Variants in ERCC1 observed in about 807,000 individuals in gnomAD.
The protein encoded by ERCC1 is DNA excision repair protein ERCC-1.
ERCC1 carries 36 observed loss-of-function variants against 37.6 expected under a neutral mutation model. The observed-to-expected ratio is 0.96, with a 90% confidence interval of 0.73 to 1.26. The LOEUF (loss-of-function observed/expected upper bound fraction) is 1.26. Among genes scored for constraint, ERCC1 ranks in the 50% most tolerant of loss-of-function variants. ERCC1 has a pLI of 0.00. For missense variants in ERCC1, 349 were observed against 376.5 expected, an observed-to-expected ratio of 0.93 and a Z score of 0.60; for synonymous variants, 156 against 162.1, an observed-to-expected ratio of 0.96 and a Z score of 0.28.
intron 1 of ERCC1, 138 bp downstream of exon 1, chr19:45,423,642 TC>T: frequency 7.9e-7 from 1 of 1,265,824 alleles, no homozygotes; most frequent in South Asian, 1.9e-5. Flanking sequence ...GTCCCCACCA[TC>T]CCCCGCCTTC....
intron 9 of ERCC1, 163 bp from the exon 10 acceptor site, chr19:45,409,888 TA>T (rs1479986731): frequency 1.9e-5 from 5 of 256,452 alleles, no homozygotes; most frequent in African/African-American, 1.2e-4. Context: ...TTATTATTAT[TA>T]TTATTATTTT....
chr19:45,444,288 TTCG>T (rs1975199760), intron 1 of ERCC1, among the ~76,000 whole-genome samples: 1 of 32,698 alleles, frequency 3.1e-5, no homozygotes, highest in African/African-American at 1.2e-4. Flanking sequence ...AGCCAGCCGC[TTCG>T]CCCCCCACCC....
chr19:45,419,214 G>A lies in ERCC1; in HGVS notation c.426-17C>T. On this transcript the variant is annotated splice_polypyrimidine_tract_variant and intron_variant, in intron 4 of 9. Coordinates refer to ENST00000300853, the MANE Select transcript of ERCC1 (RefSeq NM_001983.4). ...TAGCGGAGGCTGGTGGGGGCAGGGAGCGGGAGTTGAGAGGTCTCAGTCTCT... is the reference window on the plus strand; with the variant it reads ...TAGCGGAGGCTGGTGGGGGCAGGGAACGGGAGTTGAGAGGTCTCAGTCTCT... The A allele has an allele frequency of 6.4e-7, 1 of 1,557,776 alleles. No individual in the cohort carries two copies. The highest frequency in any genetic ancestry group is 1.2e-5 in the South Asian group (1 of 85,952).
chr19:45,441,954 T>C (rs1437419213), intron 1 of ERCC1, among the ~76,000 whole-genome samples: 1 of 152,050 alleles, frequency 6.6e-6, no homozygotes, highest in African/African-American at 2.4e-5. Context: ...AGTGCTGGGA[T>C]TACAGGTGTG....
In ERCC1 at chr19:45,416,808, G is replaced by A. The variant is rs1177720070; in HGVS notation, c.602+13C>T. ...GGTGGAGCCTGAATGAGGCAGGGAA[G>A]CCCTCATCTCACCTCCAGGCGAGGA... On this transcript the variant is annotated intron_variant, in intron 6 of 9. Transcript: ENST00000300853. 1.2e-6 allele frequency: 2 copies of A among 1,606,034 alleles called. No individual in the cohort carries two copies. The highest frequency in any genetic ancestry group is 4.5e-5 in the East Asian group (2 of 44,836).
At chr19:45,432,133 G>A (rs567088987) in intron 1 of ERCC1, among the ~76,000 whole-genome samples, 97 of 151,714 alleles carry the variant, frequency 6.4e-4, no homozygotes, top group African/African-American at 2.2e-3. Flanking sequence ...CGCCACACCG[G>A]GCTAATTTTT....
At chr19:45,433,247 C>T (rs1014642322) in intron 1 of ERCC1, among the ~76,000 whole-genome samples, 3 of 151,478 alleles carry the variant, frequency 2.0e-5, no homozygotes, top group African/African-American at 4.9e-5. Flanking sequence ...AAAATTAAGC[C>T]GGGCACAATG....
chr19:45,409,778 C>G lies in ERCC1; in HGVS notation c.844-53G>C. The G allele has an allele frequency of 8.1e-6, 6 of 742,138 alleles. No individual in the cohort carries two copies. The South Asian group carries it at 8.6e-5, about 11-fold the overall frequency. 46.0% of individuals were successfully genotyped at this position (742,138 alleles called of 1,614,324 possible). On this transcript the variant is annotated intron_variant, in intron 9 of 9. Coordinates refer to ENST00000300853, the MANE Select transcript of ERCC1 (RefSeq NM_001983.4). Reference sequence around the variant, plus strand: ...AACCAGTCATTAAAGGAGCTGTTTCCTGGGTAAATCTAGAGTGGGGTTTTG... The same window carrying G: ...AACCAGTCATTAAAGGAGCTGTTTCGTGGGTAAATCTAGAGTGGGGTTTTG...
At chr19:45,419,351 C>T (rs928750995) in intron 4 of ERCC1, 154 bp from the exon 5 acceptor site, 15 of 657,566 alleles carry the variant, frequency 2.3e-5, no homozygotes, top group Admixed American at 8.8e-5. Flanking sequence ...TGCCCCAGGT[C>T]ACTCTTCCAA....
intron 9 of ERCC1, among the ~76,000 whole-genome samples, chr19:45,412,552 G>A (rs1973806592): frequency 6.6e-6 from 1 of 152,106 alleles, no homozygotes; most frequent in African/African-American, 2.4e-5. Context: ...TTTGAGAAAT[G>A]TTAATTCAAA....
chr19:45,430,289 C>A (rs1285063931), intron 1 of ERCC1, among the ~76,000 whole-genome samples: 2 of 152,198 alleles, frequency 1.3e-5, no homozygotes, highest in Non-Finnish European at 2.9e-5. Flanking sequence ...TGATTGCATG[C>A]TCTGTGACCG....
In ERCC1 at chr19:45,409,212, A is replaced by T. The variant is rs772220665; in HGVS notation, c.*463T>A. 8.1e-6 allele frequency: 13 copies of T among 1,612,758 alleles called. No homozygotes were observed. Among genetic ancestry groups the T allele is most frequent in the Middle Eastern group, 1.6e-4 (1 of 6,082 alleles). On this transcript the variant is annotated 3_prime_UTR_variant, in exon 10 of 10. Transcript: ENST00000300853. ...GAGCTGCCGGATGACCTTGAGCCTC[A>T]GGCAGCTCCCACATCCACCAAGAAG...
intron 1 of ERCC1, among the ~76,000 whole-genome samples, chr19:45,449,929 A>G (rs968423445): frequency 7.2e-5 from 11 of 151,974 alleles, no homozygotes; most frequent in African/African-American, 2.7e-4. Flanking sequence ...ATGCCATTGC[A>G]CTCCAGCCTG....
upstream of ERCC1, among the ~76,000 whole-genome samples, chr19:45,424,742 C>A (rs1052107388): frequency 6.6e-6 from 1 of 151,758 alleles, no homozygotes; most frequent in African/African-American, 2.4e-5. Context: ...CCTTAGTTAC[C>A]CATATTGCAA....
intron 6 of ERCC1, 22 bp downstream of exon 6, chr19:45,416,799 G>T (rs554687713): frequency 6.3e-7 from 1 of 1,597,402 alleles, no homozygotes; most frequent in Admixed American, 1.7e-5. Context: ...GCCTGAATGA[G>T]GCAGGGAAGC....
intron 1 of ERCC1, among the ~76,000 whole-genome samples, chr19:45,449,693 G>C (rs1599871277): frequency 6.6e-6 from 1 of 151,360 alleles, no homozygotes; most frequent in African/African-American, 2.4e-5. Flanking sequence ...GGCCGGGCGC[G>C]GTGGGTCACG....
In ERCC1 at chr19:45,432,287, TTATTATTA is replaced by T. The variant is rs1568596065; in HGVS notation, c.-7-8914_-7-8907del. ...GCCTGGCCAACACAAAATTAATTTA[TTATTATTA>T]TTATTATTATTATTATTATTAGTTA... is the stretch of plus-strand genomic sequence containing the variant. On this transcript the variant is annotated intron_variant, in intron 1 of 8. Transcript: ENST00000423698. 6.9e-3 allele frequency among the ~76,000 whole-genome samples: 271 copies of T among 39,410 alleles called. 2 individuals carry two copies. In the African/African-American group the frequency reaches 0.099, roughly 14 times the overall value. The allele number at this position is 39,410 out of a possible 152,430, so 25.9% of individuals were successfully genotyped here.
intron 1 of ERCC1, among the ~76,000 whole-genome samples, chr19:45,445,666 T>C (rs150023596): frequency 3.9e-5 from 6 of 152,020 alleles, no homozygotes; most frequent in Non-Finnish European, 8.8e-5. Flanking sequence ...GGGTGTAAGG[T>C]GAAGACATGT....
rs35729377 is a variant in ERCC1 at position 45,409,231 on chromosome 19, CAAG to C, written c.*441_*443del. The C allele has an allele frequency of 0.23, 318,016 of 1,398,546 alleles. 24,815 individuals are homozygous for C. Among genetic ancestry groups the C allele is most frequent in the South Asian group, 0.29 (19,128 of 65,490 alleles). The allele number at this position is 1,398,546 out of a possible 1,614,324, so 86.6% of individuals were successfully genotyped here. On this transcript the variant is annotated 3_prime_UTR_variant, in exon 10 of 10. Transcript: ENST00000300853. ...AGCCTCAGGCAGCTCCCACATCCAC[CAAG>C]AAGAAGAAGAAGAAGAAAGAGAGAG...
Sources: allele counts gnomAD v4.1 joint callset (sites outside exome capture counted in the v4.1 genomes callset), GRCh38; gene constraint gnomAD v4.1.1; transcripts MANE v1.5; gene names NCBI Gene and HGNC (gene_info 2026-07-23, HGNC 2026-07-21).